PKD1L1: variants seen among roughly 807,000 people sequenced by gnomAD.
PKD1L1 encodes the protein polycystin-1-like protein 1.
A neutral mutation model predicts 323.4 loss-of-function variants in PKD1L1; 236 were observed. That is an observed-to-expected ratio of 0.73 (90% confidence interval 0.66 to 0.81). The LOEUF is 0.81. Among genes scored for constraint, PKD1L1 ranks in the 40% least tolerant of loss-of-function variants. PKD1L1 has a pLI of 0.00. For synonymous variants in PKD1L1, 1,344 were observed against 1,335.0 expected, an observed-to-expected ratio of 1.01 and a Z score of -0.15; for missense variants, 3,320 against 3,508.0, an observed-to-expected ratio of 0.95 and a Z score of 1.35.
At position 47,843,068 on chromosome 7, in the gene PKD1L1, T is replaced by G; in HGVS notation, c.5339A>C (p.Lys1780Thr). The G allele has an allele frequency of 6.2e-7, 1 of 1,613,960 alleles. No individual in the cohort carries two copies. The highest frequency in any genetic ancestry group is 8.5e-7 in the Non-Finnish European group (1 of 1,179,882). Residue 1780 changes from lysine (K) to threonine (T), a missense_variant, in exon 34 of 57, where the codon AAG becomes ACG. Physicochemically the swap from Lys to Thr is moderately conservative, Grantham distance 78. Coordinates refer to ENST00000289672, the MANE Select transcript of PKD1L1 (RefSeq NM_138295.5). Reference sequence around the variant, plus strand: ...TTGCAGAAAGATGTAACCAGCTTTCTTTTTTTCATGATGATCTACTTGTCT... The same window carrying G: ...TTGCAGAAAGATGTAACCAGCTTTCGTTTTTTCATGATGATCTACTTGTCT... ...KSRQVDHHEK[K>T]KAGYIFLQEA... is the part of the protein sequence containing the mutation.
intron 56 of PKD1L1, among the ~76,000 whole-genome samples, chr7:47,781,387 GTTTTTTTTTTTGTTTTGTTTTGT>G (rs1562927303): frequency 8.2e-6 from 1 of 121,702 alleles, no homozygotes; most frequent in Non-Finnish European, 1.7e-5. Context: ...AGAACAAAAG[GTTTTTTTTTTTGTTTTGTTTTGT>G]TTTTTTTTTT....
chr7:47,858,997 G>A (rs1583625917), intron 26 of PKD1L1, 112 bp from the exon 27 acceptor site: 1 of 1,382,334 alleles, frequency 7.2e-7, no homozygotes, highest in African/African-American at 1.4e-5. Context: ...GAACAGAAAA[G>A]ATGTAAATAA....
intron 1 of PKD1L1, among the ~76,000 whole-genome samples, chr7:47,945,738 G>A (rs1166955572): frequency 2.0e-5 from 3 of 152,144 alleles, no homozygotes; most frequent in Non-Finnish European, 4.4e-5. Context: ...CCACAGCTGT[G>A]AGACTGCCCA....
chr7:47,827,657 A>G (rs1461668997), intron 44 of PKD1L1, among the ~76,000 whole-genome samples, 189 bp from the exon 45 acceptor site: 1 of 152,218 alleles, frequency 6.6e-6, no homozygotes, highest in Middle Eastern at 3.2e-3. Flanking sequence ...AGATGGGGGT[A>G]GACCCATTTT....
At chr7:47,866,058 T>C (rs548876432) in intron 25 of PKD1L1, among the ~76,000 whole-genome samples, 49 of 152,220 alleles carry the variant, frequency 3.2e-4, no homozygotes, top group Non-Finnish European at 6.2e-4. Flanking sequence ...GCAAGTACAG[T>C]CACATTTGAA....
At chr7:47,862,763 C>A (rs1171660516) in intron 26 of PKD1L1, among the ~76,000 whole-genome samples, 1 of 152,066 alleles carries the variant, frequency 6.6e-6, no homozygotes, top group Non-Finnish European at 1.5e-5. Flanking sequence ...GGCAGTACCC[C>A]TGGAGGATGG....
At chr7:47,779,973 A>C in intron 56 of PKD1L1, among the ~76,000 whole-genome samples, 1 of 152,196 alleles carries the variant, frequency 6.6e-6, no homozygotes, top group East Asian at 1.9e-4. Context: ...TTTTAAGTTA[A>C]TACCATTTTC....
intron 44 of PKD1L1, 54 bp downstream of exon 44, chr7:47,829,371 A>G: frequency 1.3e-6 from 2 of 1,488,218 alleles, no homozygotes; most frequent in South Asian, 2.6e-5. Flanking sequence ...GCATGATAGA[A>G]TATAAAGTAG....
intron 32 of PKD1L1, 25 bp from the exon 33 acceptor site, chr7:47,845,103 T>C (rs1410313138): frequency 6.3e-7 from 1 of 1,596,836 alleles, no homozygotes; most frequent in African/African-American, 1.3e-5. Context: ...CGGATGAGGA[T>C]ACAGAATGTG....
rs11769398 is a variant in PKD1L1 at position 47,834,099 on chromosome 7, T to C, written c.6174+240A>G. Reference sequence around the variant, plus strand: ...TCAGGCCTCTGCTGAGACCCCTTCTTTCTGACCCACCTGGAGAGCCGGGTT... The same window carrying C: ...TCAGGCCTCTGCTGAGACCCCTTCTCTCTGACCCACCTGGAGAGCCGGGTT... On this transcript the variant is annotated intron_variant, in intron 40 of 56. Coordinates refer to ENST00000289672, the MANE Select transcript of PKD1L1 (RefSeq NM_138295.5). Among the ~76,000 whole-genome samples the C allele has an allele frequency of 0.37, 55,708 of 151,994 alleles. 10,768 individuals carry two copies. The highest frequency in any genetic ancestry group is 0.49 in the African/African-American group (20,191 of 41,460).
At chr7:47,813,004 A>T in intron 49 of PKD1L1, 117 bp downstream of exon 49, 1 of 1,273,266 alleles carries the variant, frequency 7.9e-7, no homozygotes, top group Non-Finnish European at 1.1e-6. Flanking sequence ...TGGTGCGCTG[A>T]CCTCGCAGGC....
At chr7:47,934,997 A>G (rs1030177994) in intron 4 of PKD1L1, among the ~76,000 whole-genome samples, 1 of 152,190 alleles carries the variant, frequency 6.6e-6, no homozygotes, top group Non-Finnish European at 1.5e-5. Flanking sequence ...GAGCTCCCGC[A>G]GAGGGAGACC....
intron 14 of PKD1L1, among the ~76,000 whole-genome samples, chr7:47,896,563 T>C (rs1786941479): frequency 2.0e-5 from 3 of 152,064 alleles, no homozygotes; most frequent in Admixed American, 6.5e-5. Context: ...TAGGATTTTA[T>C]TTTTAGTTTA....
intron 56 of PKD1L1, among the ~76,000 whole-genome samples, chr7:47,792,414 T>G (rs962213708): frequency 1.3e-5 from 2 of 152,206 alleles, no homozygotes; most frequent in South Asian, 4.1e-4. Context: ...CAGATACTTA[T>G]GCTACCATTT....
chr7:47,909,226 C>T (rs1787269009), intron 8 of PKD1L1, among the ~76,000 whole-genome samples: 1 of 152,184 alleles, frequency 6.6e-6, no homozygotes, highest in South Asian at 2.1e-4. Context: ...GTGTCATTCC[C>T]CAGCTTGATA....
In PKD1L1 at chr7:47,946,424, C is replaced by T. The variant is rs960271931; in HGVS notation, c.44+1973G>A. Among the ~76,000 whole-genome samples, 1 of 150,882 alleles carries T rather than the reference C, an allele frequency of 6.6e-6. No individual in the cohort carries two copies. Among genetic ancestry groups the T allele is most frequent in the African/African-American group, 2.4e-5 (1 of 40,972 alleles). Reference sequence around the variant, plus strand: ...CAAACACACCACACAGCATCACACACAATATACACACACCACACAGCACAT... The same window carrying T: ...CAAACACACCACACAGCATCACACATAATATACACACACCACACAGCACAT... On this transcript the variant is annotated intron_variant, in intron 1 of 56. Coordinates refer to ENST00000289672, the MANE Select transcript of PKD1L1 (RefSeq NM_138295.5). The surrounding 1 kb of genome is among the most constrained non-coding windows in gnomAD (Gnocchi z 4.1).
rs1470998473 is a variant in PKD1L1 at position 47,880,261 on chromosome 7, TATAC to T, written c.3520+463_3520+466del. Reference sequence around the variant, plus strand: ...AGCATAAATAAGATATATATATATATATACATATATATATATATATATATTTTTT... The same window carrying T: ...AGCATAAATAAGATATATATATATATATATATATATATATATATATTTTTT... On this transcript the variant is annotated intron_variant, in intron 21 of 56. Transcript: ENST00000289672. 3.5e-3 allele frequency among the ~76,000 whole-genome samples: 330 copies of T among 93,574 alleles called. 4 individuals carry two copies. Among genetic ancestry groups the T allele is most frequent in the Middle Eastern group, 0.016 (3 of 192 alleles). 61.4% of individuals were successfully genotyped at this position (93,574 alleles called of 152,430 possible). A position where few individuals can be genotyped will look rare whatever the true frequency, so the allele number is the denominator to read the frequency against.
At chr7:47,804,411 A>G (rs1784731168) in intron 52 of PKD1L1, among the ~76,000 whole-genome samples, 1 of 152,168 alleles carries the variant, frequency 6.6e-6, no homozygotes, top group Non-Finnish European at 1.5e-5. Context: ...ATCATAAAAA[A>G]TAGCATCATG....
intron 52 of PKD1L1, among the ~76,000 whole-genome samples, chr7:47,804,591 T>C (rs1168116674): frequency 6.6e-6 from 1 of 150,842 alleles, no homozygotes; most frequent in African/African-American, 2.4e-5. Flanking sequence ...TGTCTCAGCC[T>C]ACCGAGTAGC....
Sources: gnomAD v4.1 joint callset for allele counts (sites outside exome capture counted in the v4.1 genomes callset) on GRCh38, gnomAD v4.1.1 for gene constraint, Gnocchi (gnomAD v3.1) non-coding constraint, MANE v1.5 for transcripts, NCBI Gene and HGNC (gene_info 2026-07-23, HGNC 2026-07-21) for gene names.